The following HIVEP2 variants were observed in gnomAD, a reference collection of about 807,000 sequenced individuals.
HIVEP2 encodes HIVEP zinc finger 2.
A neutral mutation model predicts 180.7 loss-of-function variants in HIVEP2; 14 were observed. The observed-to-expected ratio is 0.08, with a 90% CI of 0.05 to 0.12. The LOEUF (loss-of-function observed/expected upper bound fraction) is 0.12. HIVEP2 is among the 10% of genes least tolerant of loss of function. The pLI is 1.00. For synonymous variants in HIVEP2, 1,184 were observed against 1,136.4 expected (o/e 1.04, Z -0.84); for missense variants, 2,579 against 3,008.5 (o/e 0.86, Z 3.34).
At chr6:142,797,904 C>A (rs1681456469) in intron 2 of HIVEP2, among the ~76,000 whole-genome samples, 1 of 151,976 alleles carries the variant, frequency 6.6e-6, no homozygotes, top group African/African-American at 2.4e-5. Flanking sequence ...TAAGGGAGAC[C>A]ACTGTACACA....
chr6:142,771,398 C>T lies in HIVEP2; in HGVS notation c.3341G>A (p.Gly1114Asp), dbSNP rs1775538476. ...GCCATGGTGCCACCCGGACCGGAGG[C>T]CAGCATGCAGGTGCTCCAGCTGCTC... ...KQEQLEHLHA[G>D]LRSGWHHGPP... Residue 1114 changes from glycine (G) to aspartate (D), a missense_variant, in exon 5 of 10, where the codon GGC becomes GAC. Physicochemically the swap from Gly to Asp is moderately conservative, Grantham distance 94. Coordinates refer to ENST00000367603, the MANE Select transcript of HIVEP2 (RefSeq NM_006734.4). The surrounding 1 kb of genome is among the most constrained non-coding windows in gnomAD (Gnocchi z 5.4). The T allele has an allele frequency of 6.2e-7, 1 of 1,613,064 alleles. No individual in the cohort carries two copies. Among genetic ancestry groups the T allele is most frequent in the African/African-American group, 1.3e-5 (1 of 74,920 alleles).
chr6:142,916,076 TCTC>T (rs1777542690), intron 1 of HIVEP2, among the ~76,000 whole-genome samples: 1 of 152,216 alleles, frequency 6.6e-6, no homozygotes, highest in South Asian at 2.1e-4. Flanking sequence ...CCTATCTATT[TCTC>T]CTCCTGGAAA....
At chr6:142,779,412 G>A (rs1644082817) in intron 3 of HIVEP2, 1 of 152,238 alleles carries the variant, frequency 6.6e-6, no homozygotes, top group Non-Finnish European at 1.5e-5. Context: ...TTGAGCTTAG[G>A]AGTTCGAGAC....
At chr6:142,851,181 G>C (rs1336613808) in intron 1 of HIVEP2, among the ~76,000 whole-genome samples, 1 of 152,200 alleles carries the variant, frequency 6.6e-6, no homozygotes, top group African/African-American at 2.4e-5. Flanking sequence ...AGCAACTGTA[G>C]CCAGCCTGGA....
Position 142,760,407 on chromosome 6 carries a change from T to G in HIVEP2, c.5881A>C (p.Ser1961Arg), listed in dbSNP as rs752547200. The change falls in exon 9 of 10, where the codon AGT becomes CGT. Residue 1961 changes from serine to arginine, a missense_variant. Ser to Arg is a moderately radical substitution (Grantham distance 110). Around this residue, in one of 11 missense-constraint regions of HIVEP2, gnomAD observed 660 missense variants for 731.7 expected, o/e 0.90. Transcript: ENST00000367603. The part of the protein sequence containing the change: ...GAVPHGVPSD[S>R]SLGHSSLISY... ...ATCAACGAAGAATGTCCCAGGGAACTATCTGAAGGAACCCCGTGGGGTACG... is the reference window on the plus strand; with the variant it reads ...ATCAACGAAGAATGTCCCAGGGAACGATCTGAAGGAACCCCGTGGGGTACG... The G allele has an allele frequency of 1.9e-6, 3 of 1,614,070 alleles. No homozygotes were observed. Among genetic ancestry groups the G allele is most frequent in the African/African-American group, 2.7e-5 (2 of 74,908 alleles).
At chr6:142,925,584 A>G (rs1334505506) in intron 1 of HIVEP2, among the ~76,000 whole-genome samples, 1 of 152,248 alleles carries the variant, frequency 6.6e-6, no homozygotes, top group African/African-American at 2.4e-5. Flanking sequence ...AGATGTACTC[A>G]AATAACCTTA....
chr6:142,769,602 G>A lies in HIVEP2; in HGVS notation c.5137C>T (p.Pro1713Ser), dbSNP rs777898357. 1.1e-5 allele frequency: 18 copies of A among 1,614,080 alleles called. No homozygotes were observed. Among genetic ancestry groups the A allele is most frequent in the Admixed American group, 1.7e-5 (1 of 60,028 alleles). ...GATGATGTAAGCTTGCCGGTTCCAGGCCTATGCATAGCAGCCAGAGTATAA... is the reference window on the plus strand; with the variant it reads ...GATGATGTAAGCTTGCCGGTTCCAGACCTATGCATAGCAGCCAGAGTATAA... ...EIYTLAAMHR[P>S]GTGKLTSSSA... Residue 1713 changes from proline to serine, a missense_variant, in exon 5 of 10, where the codon CCT becomes TCT. By Grantham distance (74) the Pro-to-Ser change is moderately conservative. Around this residue, in one of 11 missense-constraint regions of HIVEP2, gnomAD observed 349 missense variants for 367.2 expected, o/e 0.95. Coordinates refer to ENST00000367603, the MANE Select transcript of HIVEP2 (RefSeq NM_006734.4).
intron 1 of HIVEP2, among the ~76,000 whole-genome samples, chr6:142,878,528 C>G (rs981494784): frequency 1.4e-4 from 22 of 152,138 alleles, no homozygotes; most frequent in African/African-American, 5.3e-4. Flanking sequence ...ATGGTGCCGG[C>G]AGTGGTCAAA....
intron 2 of HIVEP2, among the ~76,000 whole-genome samples, chr6:142,828,666 G>A (rs1027860804): frequency 2.0e-5 from 3 of 151,952 alleles, no homozygotes; most frequent in Non-Finnish European, 4.4e-5. Flanking sequence ...TCCTGACCTC[G>A]TGATCCACCC....
intron 1 of HIVEP2, among the ~76,000 whole-genome samples, chr6:142,905,929 T>C (rs1582956289): frequency 6.6e-6 from 1 of 151,832 alleles, no homozygotes; most frequent in Non-Finnish European, 1.5e-5. Context: ...AAGTCAGGAG[T>C]TCGAGACCAA....
chr6:142,867,862 A>G (rs1776180394), intron 1 of HIVEP2, among the ~76,000 whole-genome samples: 1 of 152,140 alleles, frequency 6.6e-6, no homozygotes, highest in African/African-American at 2.4e-5. Context: ...TCCCATATGA[A>G]TTTCTTGAAA....
At chr6:142,933,713 A>C (rs1245102433) in intron 1 of HIVEP2, among the ~76,000 whole-genome samples, 1 of 152,234 alleles carries the variant, frequency 6.6e-6, no homozygotes, top group African/African-American at 2.4e-5. Context: ...TGTCCATTAG[A>C]AAATTTAATT....
At position 142,760,066 on chromosome 6, in the gene HIVEP2, T is replaced by C. The variant is rs747465565; in HGVS notation, c.6222A>G (p.Arg2074=). The change falls in exon 9 of 10, where the codon AGA becomes AGG. Residue 2074 remains arginine (R), a synonymous_variant. Coordinates refer to ENST00000367603, the MANE Select transcript of HIVEP2 (RefSeq NM_006734.4). ...ACAGATCTCTCCTAGGTGATAAATG[T>C]CTCCTGGGAGATAAATCTCCTTTGG... ...LIPKGDLSPR[R]HLSPRRDLSP... is the part of the protein sequence containing the mutation. 2 of 1,614,174 alleles carry C rather than the reference T, an allele frequency of 1.2e-6. No individual in the cohort carries two copies. The highest frequency in any genetic ancestry group is 1.1e-5 in the South Asian group (1 of 91,078).
At position 142,934,611 on chromosome 6, in the gene HIVEP2, C is replaced by A. The variant is rs145396117; in HGVS notation, c.-641+10488G>T. 2.6e-5 allele frequency among the ~76,000 whole-genome samples: 4 copies of A among 152,162 alleles called. No homozygotes were observed. The East Asian group carries it at 7.7e-4, about 29-fold the overall frequency. Reference sequence around the variant, plus strand: ...GGATTTTTCCCTTGCTTAGAGAAAGCGAATTTATTAAAATGTAAGCATCAG... The same window carrying A: ...GGATTTTTCCCTTGCTTAGAGAAAGAGAATTTATTAAAATGTAAGCATCAG... On this transcript the variant is annotated intron_variant, in intron 1 of 9. Transcript: ENST00000367603.
intron 1 of HIVEP2, among the ~76,000 whole-genome samples, chr6:142,944,180 G>A (rs1778245236): frequency 6.6e-6 from 1 of 152,108 alleles, no homozygotes; most frequent in African/African-American, 2.4e-5. Context: ...AACACCCAGG[G>A]ACGCTTCCTG....
At chr6:142,761,679 AAC>A in intron 7 of HIVEP2, 114 bp from the exon 8 acceptor site, 1 of 721,664 alleles carries the variant, frequency 1.4e-6, no homozygotes, top group Non-Finnish European at 2.5e-6. Flanking sequence ...TTCATCATGT[AAC>A]ACAGATTTGT....
At chr6:142,939,272 C>A (rs1778120121) in intron 1 of HIVEP2, among the ~76,000 whole-genome samples, 1 of 151,958 alleles carries the variant, frequency 6.6e-6, no homozygotes, top group African/African-American at 2.4e-5. Context: ...TCAGTAGGGG[C>A]AACTTTCATT....
At chr6:142,863,761 T>C (rs12214573) in intron 1 of HIVEP2, among the ~76,000 whole-genome samples, 27,375 of 152,124 alleles carry the variant, frequency 0.18, 2,640 homozygotes, top group South Asian at 0.22. Flanking sequence ...GTCCCTGCTC[T>C]GTATGAATCT....
chr6:142,874,721 T>C (rs1430277594), intron 1 of HIVEP2, among the ~76,000 whole-genome samples: 1 of 152,048 alleles, frequency 6.6e-6, no homozygotes, highest in Non-Finnish European at 1.5e-5. Context: ...GGGAAGAGAA[T>C]GAGCAAAGGC....
Sources: gnomAD v4.1 joint callset for allele counts (sites outside exome capture counted in the v4.1 genomes callset) on GRCh38, gnomAD v4.1.1 for gene constraint, gnomAD v4.1.1 regional missense constraint, Gnocchi (gnomAD v3.1) non-coding constraint, MANE v1.5 for transcripts, NCBI Gene and HGNC (gene_info 2026-07-23, HGNC 2026-07-21) for gene names.